KIF17: variants seen among roughly 807,000 people sequenced by gnomAD.
KIF17 encodes the protein kinesin-like protein KIF17.
A neutral mutation model predicts 96.8 loss-of-function variants in KIF17; 80 were observed. The ratio of observed to expected loss-of-function variants is 0.83; its 90% CI spans 0.69 to 1.00. KIF17 has a LOEUF of 1.00. Among genes scored for constraint, KIF17 ranks in the 50% least tolerant of loss-of-function variants. KIF17 has a pLI of 0.00. For missense variants in KIF17, 1,280 were observed against 1,372.9 expected, an observed-to-expected ratio of 0.93 and a Z score of 1.07; for synonymous variants, 567 against 587.5, an observed-to-expected ratio of 0.97 and a Z score of 0.51.
chr1:20,697,970 G>A (rs2054170950), intron 6 of KIF17, among the ~76,000 whole-genome samples: 1 of 152,150 alleles, frequency 6.6e-6, no homozygotes, highest in Non-Finnish European at 1.5e-5. Flanking sequence ...GTCGGCTGCT[G>A]GGGGACAGAC....
At position 20,709,607 on chromosome 1, in the gene KIF17, G is replaced by A. The variant is rs369826723; in HGVS notation, c.670+32C>T. On this transcript the variant is annotated intron_variant, in intron 4 of 14. Transcript: ENST00000400463. This position sits in a 1 kb window ranked among gnomAD's most constrained non-coding sequence, Gnocchi z 4.7. ...GCTAGTGGGAGTGGCTGGGTCATCT[G>A]TCCCCCTGCCCCCAACAATGGCCTC... The A allele has an allele frequency of 1.2e-6, 2 of 1,612,274 alleles. No homozygotes were observed. Among genetic ancestry groups the A allele is most frequent in the African/African-American group, 1.3e-5 (1 of 74,868 alleles).
intron 7 of KIF17, among the ~76,000 whole-genome samples, 163 bp downstream of exon 7, chr1:20,690,025 A>C (rs1019663424): frequency 6.6e-6 from 1 of 152,262 alleles, no homozygotes; most frequent in African/African-American, 2.4e-5. Flanking sequence ...TTCCTCATCT[A>C]TATAGCGAGC....
In KIF17 at chr1:20,668,203, G is replaced by A. The variant is rs149136753; in HGVS notation, c.2791-1872C>T. 9.9e-3 allele frequency among the ~76,000 whole-genome samples: 1,507 copies of A among 151,632 alleles called. 21 individuals are homozygous for A. The highest frequency in any genetic ancestry group is 0.033 in the African/African-American group (1,377 of 41,308). On this transcript the variant is annotated intron_variant, in intron 13 of 14. Transcript: ENST00000400463. ...CAGGCACCTGTAGTCCCAGCTACTT[G>A]GGAGGCTGAGGCAGGAGAATGGTGT...
chr1:20,684,304 T>C (rs1401616833), intron 10 of KIF17, among the ~76,000 whole-genome samples: 1 of 152,234 alleles, frequency 6.6e-6, no homozygotes, highest in Non-Finnish European at 1.5e-5. Flanking sequence ...GGACTGGGTC[T>C]CCGCCTGTTG....
chr1:20,690,690 A>AT (rs764924838), intron 6 of KIF17, among the ~76,000 whole-genome samples: 42 of 141,956 alleles, frequency 3.0e-4, no homozygotes, highest in Non-Finnish European at 4.0e-4. Flanking sequence ...GCAAAAAAAA[A>AT]TTTTTTTTTT....
intron 1 of KIF17, among the ~76,000 whole-genome samples, chr1:20,716,790 AGGGAC>A (rs2054585752): frequency 6.6e-6 from 1 of 152,216 alleles, no homozygotes; most frequent in South Asian, 2.1e-4. Flanking sequence ...TTCATTCGAC[AGGGAC>A]TATGCTCAGC....
chr1:20,678,384 C>A (rs486011), intron 11 of KIF17, among the ~76,000 whole-genome samples: 2,814 of 152,116 alleles, frequency 0.018, 97 homozygotes, highest in African/African-American at 0.065. Flanking sequence ...TGTATACACA[C>A]ATACGTACAT....
chr1:20,681,511 G>T lies in KIF17; in HGVS notation c.2463+1142C>A, dbSNP rs144694798. Reference sequence around the variant, plus strand: ...CCAGCCAAAAGAGGCAAAGTTTTATGCTTGGCAAGATCCTTAGGATGCCAG... The same window carrying T: ...CCAGCCAAAAGAGGCAAAGTTTTATTCTTGGCAAGATCCTTAGGATGCCAG... On this transcript the variant is annotated intron_variant, in intron 11 of 14. Transcript: ENST00000400463. 4.8e-3 allele frequency among the ~76,000 whole-genome samples: 732 copies of T among 152,064 alleles called. 6 individuals are homozygous for T. The highest frequency in any genetic ancestry group is 0.017 in the African/African-American group (691 of 41,492).
At chr1:20,694,731 C>T (rs2054103590) in intron 6 of KIF17, among the ~76,000 whole-genome samples, 1 of 152,186 alleles carries the variant, frequency 6.6e-6, no homozygotes, top group Non-Finnish European at 1.5e-5. Flanking sequence ...TTTTTAGATA[C>T]ACTTGAACCT....
chr1:20,666,120 G>A (rs1290827770), intron 14 of KIF17, 94 bp downstream of exon 14: 4 of 975,716 alleles, frequency 4.1e-6, no homozygotes, highest in East Asian at 2.4e-5. Flanking sequence ...AGGGAAAGGA[G>A]TTTTTGAACC....
intron 14 of KIF17, 77 bp from the exon 15 acceptor site, chr1:20,664,839 G>T: frequency 7.4e-7 from 1 of 1,359,820 alleles, no homozygotes; most frequent in Non-Finnish European, 1.0e-6. Flanking sequence ...TGGGTAGGAT[G>T]GAGAGCCTGG....
rs796403922 is a variant in KIF17, at chr1:20,668,309, CA to C, written c.2791-1979del. On this transcript the variant is annotated intron_variant, in intron 13 of 14. Transcript: ENST00000400463. ...TGGGTAACAGAGCAAGACTCCGTCT[CA>C]AAAAAAAAAAAAGAGGTGAAGACAG... Among the ~76,000 whole-genome samples, 115 of 134,528 alleles carry C rather than the reference CA, an allele frequency of 8.5e-4. 1 individual carries two copies. Among genetic ancestry groups the C allele is most frequent in the Non-Finnish European group, 6.6e-4 (41 of 62,026 alleles). The allele number at this position is 134,528 out of a possible 152,430, so 88.3% of individuals were successfully genotyped here.
chr1:20,717,550 T>C lies in KIF17; in HGVS notation c.157A>G (p.Thr53Ala), dbSNP rs767926945. ...TCCACGTGGTAGGCGCCGTCGAAGGTGAACTGCTTGGGCGGCTCGTCGGCG... is the reference window on the plus strand; with the variant it reads ...TCCACGTGGTAGGCGCCGTCGAAGGCGAACTGCTTGGGCGGCTCGTCGGCG... ...GAADEPPKQF[T>A]FDGAYHVDHV... is the part of the protein sequence containing the mutation. The change falls in exon 1 of 15, where the codon ACC becomes GCC. Residue 53 changes from threonine (T) to alanine (A), a missense_variant. Physicochemically the swap from Thr to Ala is moderately conservative, Grantham distance 58 (BLOSUM62 0). Transcript: ENST00000400463. 3.1e-6 allele frequency: 5 copies of C among 1,611,308 alleles called. No individual in the cohort carries two copies. The highest frequency in any genetic ancestry group is 4.2e-6 in the Non-Finnish European group (5 of 1,179,384).
chr1:20,685,187 C>G lies in KIF17; in HGVS notation c.2020-167G>C. The G allele has an allele frequency of 4.2e-6, 3 of 712,834 alleles. No individual in the cohort carries two copies. The South Asian group carries it at 4.5e-5, about 11-fold the overall frequency. The allele number at this position is 712,834 out of a possible 1,614,324, so 44.2% of individuals were successfully genotyped here. A position where few individuals can be genotyped will look rare whatever the true frequency, so the allele number is the denominator to read the frequency against. The stretch of plus-strand genomic sequence containing the variant: ...ACACAAAAACACGCCCTGTTGAGTT[C>G]TTACTGCCGCTATTCCCACTGACAC... On this transcript the variant is annotated intron_variant, in intron 9 of 14. Coordinates refer to ENST00000400463, the MANE Select transcript of KIF17 (RefSeq NM_001122819.3). This position sits in a 1 kb window ranked among gnomAD's most constrained non-coding sequence, Gnocchi z 4.1.
At chr1:20,695,491 A>C (rs976124637) in intron 6 of KIF17, among the ~76,000 whole-genome samples, 1 of 152,096 alleles carries the variant, frequency 6.6e-6, no homozygotes. Flanking sequence ...ACCCAACCCC[A>C]TTCTCACTTT....
In KIF17 at chr1:20,685,367, T is replaced by G; in HGVS notation, c.2020-347A>C. 1 of 444,806 alleles carries G rather than the reference T, an allele frequency of 2.2e-6. No homozygotes were observed. Among genetic ancestry groups the G allele is most frequent in the Non-Finnish European group, 4.4e-6 (1 of 229,790 alleles). The allele number at this position is 444,806 out of a possible 1,614,324, so 27.6% of individuals were successfully genotyped here. A position where few individuals can be genotyped will look rare whatever the true frequency, so the allele number is the denominator to read the frequency against. ...CGTCACGTTCGCAGGAAAGTCCACTTTCCTCCCTGCCGGCTCCCTGCCTCC... is the reference window on the plus strand; with the variant it reads ...CGTCACGTTCGCAGGAAAGTCCACTGTCCTCCCTGCCGGCTCCCTGCCTCC... On this transcript the variant is annotated intron_variant, in intron 9 of 14. Coordinates refer to ENST00000400463, the MANE Select transcript of KIF17 (RefSeq NM_001122819.3). This position sits in a 1 kb window ranked among gnomAD's most constrained non-coding sequence, Gnocchi z 4.1.
chr1:20,662,937 C>G (rs891495237), downstream of KIF17, among the ~76,000 whole-genome samples: 4 of 152,170 alleles, frequency 2.6e-5, no homozygotes, highest in Admixed American at 6.5e-5. Flanking sequence ...CCCATAAAGA[C>G]CTGATATCGA....
At position 20,685,017 on chromosome 1, in the gene KIF17, C is replaced by T. The variant is rs558760; in HGVS notation, c.2023G>A (p.Val675Ile). The change falls in exon 10 of 15, where the codon GTA becomes ATA. Residue 675 changes from valine to isoleucine, a missense_variant. Coordinates refer to ENST00000400463, the MANE Select transcript of KIF17 (RefSeq NM_001122819.3). This position sits in a 1 kb window ranked among gnomAD's most constrained non-coding sequence, Gnocchi z 4.1. ...AAGGCCACTTCCGAGGCCAGATCTA[C>T]CTCCTGAGTGTGAAGAGAAACCCAG... ...AADDFPPRPE[V>I]DLASEVALEV... 6.7e-3 allele frequency: 10,687 copies of T among 1,589,500 alleles called. 609 individuals carry two copies. In the African/African-American group the frequency reaches 0.12, roughly 18 times the overall value.
At position 20,717,499 on chromosome 1, in the gene KIF17, CGTT is replaced by C; in HGVS notation, c.205_207del (p.Asn69del). 1 of 1,611,618 alleles carries C rather than the reference CGTT, an allele frequency of 6.2e-7. No individual in the cohort carries two copies. The highest frequency in any genetic ancestry group is 8.5e-7 in the Non-Finnish European group (1 of 1,179,626). On this transcript the variant is annotated inframe_deletion, in exon 1 of 15. Coordinates refer to ENST00000400463, the MANE Select transcript of KIF17 (RefSeq NM_001122819.3). ...ACCTCCACCAGCGGATAGGCGATCT[CGTT>C]GTAGATCTGCTCGGTGACGTGGTCC...
Sources: gnomAD v4.1 joint callset for allele counts (sites outside exome capture counted in the v4.1 genomes callset) on GRCh38, gnomAD v4.1.1 for gene constraint, Gnocchi (gnomAD v3.1) non-coding constraint, MANE v1.5 for transcripts, NCBI Gene and HGNC (gene_info 2026-07-23, HGNC 2026-07-21) for gene names.